Variants in ASTN2 observed in about 807,000 individuals in gnomAD.
ASTN2 encodes the protein astrotactin 2.
In ASTN2, 54 loss-of-function variants were observed where a neutral mutation model predicts 139.8. The observed-to-expected ratio is 0.39, with a 90% CI of 0.31 to 0.48. The LOEUF (loss-of-function observed/expected upper bound fraction) is 0.48. ASTN2 is among the 20% of genes least tolerant of loss of function. The probability of loss-of-function intolerance (pLI) is 0.95; values close to 1 mark genes in which losing one functional copy is unlikely to be tolerated. For synonymous variants in ASTN2, 756 were observed against 719.5 expected (o/e 1.05, Z -0.81); for missense variants, 1,565 against 1,725.1 (o/e 0.91, Z 1.64).
At chr9:117,003,943 C>A (rs73655576) in intron 7 of ASTN2, among the ~76,000 whole-genome samples, 1 of 132,214 alleles carries the variant, frequency 7.6e-6, no homozygotes, top group Non-Finnish European at 1.6e-5. Flanking sequence ...TTCTTTCACG[C>A]GCGCGCGCGC....
At chr9:116,795,051 A>C (rs1260953456) in intron 13 of ASTN2, among the ~76,000 whole-genome samples, 1 of 152,178 alleles carries the variant, frequency 6.6e-6, no homozygotes, top group Non-Finnish European at 1.5e-5. Context: ...ATCTCGGCTT[A>C]CTGCAATCTC....
intron 4 of ASTN2, among the ~76,000 whole-genome samples, chr9:117,107,180 A>T (rs1362060220): frequency 5.3e-5 from 8 of 152,166 alleles, no homozygotes; most frequent in Non-Finnish European, 8.8e-5. Context: ...TAGTAGAATT[A>T]CTATGTCAAT....
At chr9:116,807,636 C>T (rs1298261831) in intron 12 of ASTN2, among the ~76,000 whole-genome samples, 2 of 152,054 alleles carry the variant, frequency 1.3e-5, no homozygotes, top group African/African-American at 2.4e-5. Context: ...GGAAGTGAAT[C>T]GTACATGGTG....
rs374237296 is a variant in ASTN2, at chr9:116,687,039, C to T, written c.2807-35246G>A. ...TAGACATTGAGACTGGAGTCAGATA[C>T]GCATTCTGGCTTATCTCCTGACTTA... On this transcript the variant is annotated intron_variant, in intron 16 of 22. Transcript: ENST00000313400. The T allele has an allele frequency of 8.0e-5, 108 of 1,348,604 alleles. 2 individuals are homozygous for T. In the African/African-American group the frequency reaches 1.4e-3, roughly 18 times the overall value. The allele number at this position is 1,348,604 out of a possible 1,614,324, so 83.5% of individuals were successfully genotyped here.
chr9:116,782,666 T>C (rs1450803180), intron 13 of ASTN2, among the ~76,000 whole-genome samples: 3 of 152,152 alleles, frequency 2.0e-5, no homozygotes, highest in Admixed American at 6.5e-5. Context: ...TTCCCTTTGG[T>C]CTTTATATTT....
intron 2 of ASTN2, among the ~76,000 whole-genome samples, chr9:117,228,818 C>A (rs1832795981): frequency 6.6e-6 from 1 of 152,032 alleles, no homozygotes; most frequent in Non-Finnish European, 1.5e-5. Context: ...AGTTCAAGAC[C>A]AGCCTGGCCA....
chr9:117,369,192 A>T (rs1445433146), intron 1 of ASTN2, among the ~76,000 whole-genome samples: 2 of 152,072 alleles, frequency 1.3e-5, no homozygotes, highest in Non-Finnish European at 2.9e-5. Context: ...TTCTTTTTCT[A>T]GGCACCAGTG....
At chr9:116,505,197 G>A (rs115794384) in intron 19 of ASTN2, among the ~76,000 whole-genome samples, 3,906 of 151,510 alleles carry the variant, frequency 0.026, 143 homozygotes, top group African/African-American at 0.081. Context: ...TTCTCATCTC[G>A]TGTGCTTTTA....
chr9:117,083,282 C>T (rs1828475666), intron 5 of ASTN2, among the ~76,000 whole-genome samples: 1 of 152,174 alleles, frequency 6.6e-6, no homozygotes, highest in African/African-American at 2.4e-5. Flanking sequence ...TTATCCTTCC[C>T]AGACTTTTTC....
At chr9:116,847,695 G>A (rs1832482396) in intron 11 of ASTN2, among the ~76,000 whole-genome samples, 1 of 152,164 alleles carries the variant, frequency 6.6e-6, no homozygotes, top group Non-Finnish European at 1.5e-5. Flanking sequence ...GGGAAACTAT[G>A]GCACAGACAG....
At chr9:116,874,827 A>C (rs539790656) in intron 10 of ASTN2, among the ~76,000 whole-genome samples, 1 of 152,172 alleles carries the variant, frequency 6.6e-6, no homozygotes, top group Non-Finnish European at 1.5e-5. Context: ...AAGAGAGTCT[A>C]TCAGTGCCAT....
chr9:117,350,484 G>T (rs1175268366), intron 1 of ASTN2, among the ~76,000 whole-genome samples: 1 of 151,924 alleles, frequency 6.6e-6, no homozygotes, highest in Admixed American at 6.6e-5. Flanking sequence ...TGATAGGGGG[G>T]TGGTGGTTGC....
chr9:117,139,506 G>T (rs141207193), intron 4 of ASTN2, among the ~76,000 whole-genome samples: 1 of 152,118 alleles, frequency 6.6e-6, no homozygotes, highest in Non-Finnish European at 1.5e-5. Context: ...TTCCAAAAAC[G>T]AATTCCATCA....
intron 19 of ASTN2, among the ~76,000 whole-genome samples, chr9:116,615,678 G>A (rs1855809951): frequency 1.4e-5 from 2 of 148,066 alleles, no homozygotes; most frequent in Non-Finnish European, 3.0e-5. Context: ...TGAACAATGA[G>A]AACACTTGGA....
intron 4 of ASTN2, among the ~76,000 whole-genome samples, chr9:117,133,506 T>C (rs1334950681): frequency 2.0e-5 from 3 of 152,172 alleles, no homozygotes; most frequent in African/African-American, 7.2e-5. Context: ...TCCAAGATCA[T>C]GAAGCCAGTT....
intron 1 of ASTN2, among the ~76,000 whole-genome samples, chr9:117,355,084 A>G (rs1320539069): frequency 6.6e-6 from 1 of 152,082 alleles, no homozygotes; most frequent in African/African-American, 2.4e-5. Context: ...AAATGAACAA[A>G]TTTCCCTTTA....
chr9:116,730,353 T>C lies in ASTN2; in HGVS notation c.2522-1257A>G, dbSNP rs1828744164. Among the ~76,000 whole-genome samples, 3 of 152,222 alleles carry C rather than the reference T, an allele frequency of 2.0e-5. No homozygotes were observed. The South Asian group carries it at 6.2e-4, about 32-fold the overall frequency. ...TTGTCCATTACTGTCAACTTTTTTT[T>C]TTTCCTCCTTATGCTCCTTAGCCTT... On this transcript the variant is annotated intron_variant, in intron 14 of 22. Transcript: ENST00000313400.
At chr9:117,161,231 C>G (rs1830543782) in intron 3 of ASTN2, among the ~76,000 whole-genome samples, 1 of 151,786 alleles carries the variant, frequency 6.6e-6, no homozygotes, top group Non-Finnish European at 1.5e-5. Context: ...ATTCTCTTAC[C>G]ATGTTGTTTT....
chr9:117,284,261 G>A (rs1189405007), intron 2 of ASTN2, among the ~76,000 whole-genome samples: 1 of 152,056 alleles, frequency 6.6e-6, no homozygotes, highest in East Asian at 1.9e-4. Context: ...ACACCACCAA[G>A]GCCAACTAAT....
Sources: gnomAD v4.1 joint callset for allele counts (sites outside exome capture counted in the v4.1 genomes callset) on GRCh38, gnomAD v4.1.1 for gene constraint, MANE v1.5 for transcripts, NCBI Gene and HGNC (gene_info 2026-07-23, HGNC 2026-07-21) for gene names.